Variants in HECW2 observed in about 807,000 individuals in gnomAD.
HECW2 encodes the protein E3 ubiquitin-protein ligase HECW2.
HECW2 carries 61 observed loss-of-function variants against 175.2 expected under a neutral mutation model. The ratio of observed to expected loss-of-function variants is 0.35; its 90% CI spans 0.28 to 0.43. HECW2 has a LOEUF of 0.43. HECW2 is among the 20% of genes least tolerant of loss of function. HECW2 has a pLI of 1.00. For missense variants in HECW2, 1,524 were observed against 2,000.5 expected (o/e 0.76, Z 4.54); for synonymous variants, 671 against 731.0 (o/e 0.92, Z 1.32).
At chr2:196,439,089 C>T (rs1695965923) in intron 1 of HECW2, among the ~76,000 whole-genome samples, 1 of 152,148 alleles carries the variant, frequency 6.6e-6, no homozygotes, top group African/African-American at 2.4e-5. Context: ...TTCACCCTGC[C>T]TCAATTTATT....
intron 1 of HECW2, among the ~76,000 whole-genome samples, chr2:196,459,467 C>G (rs1696649937): frequency 6.6e-6 from 1 of 151,988 alleles, no homozygotes; most frequent in African/African-American, 2.4e-5. Flanking sequence ...TAAGCCCCCC[C>G]AACCTACTGA....
chr2:196,539,754 G>C (rs1223975395), intron 1 of HECW2, among the ~76,000 whole-genome samples: 1 of 152,196 alleles, frequency 6.6e-6, no homozygotes, highest in Non-Finnish European at 1.5e-5. Context: ...TAAGTATTTT[G>C]TTTATTAGTC....
At chr2:196,424,726 G>C (rs1695495031) in intron 2 of HECW2, among the ~76,000 whole-genome samples, 1 of 152,086 alleles carries the variant, frequency 6.6e-6, no homozygotes, top group Non-Finnish European at 1.5e-5. Context: ...AAGAAAAGCT[G>C]GAAGCTAGGA....
intron 21 of HECW2, among the ~76,000 whole-genome samples, chr2:196,231,998 A>G (rs1217759764): frequency 6.6e-6 from 1 of 152,182 alleles, no homozygotes; most frequent in Non-Finnish European, 1.5e-5. Context: ...ATCAAATAAA[A>G]AAAAAATCTA....
chr2:196,505,526 T>C (rs1183352027), intron 1 of HECW2, among the ~76,000 whole-genome samples: 1 of 150,586 alleles, frequency 6.6e-6, no homozygotes, highest in Non-Finnish European at 1.5e-5. Context: ...GGCAACAGAG[T>C]GAGACTTCAT....
At chr2:196,313,679 C>A (rs1691583362) in intron 10 of HECW2, among the ~76,000 whole-genome samples, 2 of 152,096 alleles carry the variant, frequency 1.3e-5, no homozygotes, top group African/African-American at 4.8e-5. Context: ...AAGAAGAAAG[C>A]AAACAAGTAA....
intron 9 of HECW2, among the ~76,000 whole-genome samples, chr2:196,317,796 G>C (rs1691758801): frequency 6.6e-6 from 1 of 152,166 alleles, no homozygotes; most frequent in Non-Finnish European, 1.5e-5. Context: ...ATGCCAGCCA[G>C]ACATATGAAA....
intron 2 of HECW2, among the ~76,000 whole-genome samples, chr2:196,383,453 A>G (rs985985086): frequency 1.3e-5 from 2 of 152,248 alleles, no homozygotes; most frequent in Non-Finnish European, 2.9e-5. Flanking sequence ...AAAAGAGCCT[A>G]GGAGAGAAAA....
chr2:196,263,197 A>G (rs1689375903), intron 17 of HECW2: 1 of 152,194 alleles, frequency 6.6e-6, no homozygotes, highest in African/African-American at 2.4e-5. Context: ...ATACAGCGAC[A>G]AACTCAGGAA....
At chr2:196,422,730 C>A (rs1304517581) in intron 2 of HECW2, among the ~76,000 whole-genome samples, 1 of 152,116 alleles carries the variant, frequency 6.6e-6, no homozygotes, top group African/African-American at 2.4e-5. Context: ...AAAGCTCTTA[C>A]TTTCTAAGAG....
At chr2:196,551,636 T>C (rs1336007574) in intron 1 of HECW2, among the ~76,000 whole-genome samples, 2 of 152,226 alleles carry the variant, frequency 1.3e-5, no homozygotes, top group East Asian at 1.9e-4. Flanking sequence ...TAAAGAAAGA[T>C]TTAACATCTC....
chr2:196,239,197 A>G (rs1477051999), intron 21 of HECW2: 1 of 152,230 alleles, frequency 6.6e-6, no homozygotes, highest in Non-Finnish European at 1.5e-5. Context: ...AAATTTTGTC[A>G]TGTCATAGTG....
At chr2:196,334,560 C>T (rs773736787) in intron 3 of HECW2, 42 bp from the exon 4 acceptor site, 3 of 1,472,044 alleles carry the variant, frequency 2.0e-6, no homozygotes, top group Non-Finnish European at 9.3e-7. Flanking sequence ...AACAGTGAAA[C>T]AAGTCATGGA....
rs779587910 is a variant in HECW2, at chr2:196,274,051, T to C, written c.3208A>G (p.Arg1070Gly). Residue 1070 changes from arginine to glycine, a missense_variant, in exon 16 of 29, where the codon AGG becomes GGG. Physicochemically the swap from Arg to Gly is moderately radical, Grantham distance 125. This residue lies in a region of HECW2 where 291 missense variants were observed against 412.2 expected (regional missense o/e 0.71). Coordinates refer to ENST00000644978, the MANE Select transcript of HECW2 (RefSeq NM_001348768.2). ...RPSSTFNTVS[R>G]PQYQDMVPVA... ...GGAACCATGTCCTGGTACTGTGGCCTACTGACTGTATTGAATGTACTGGAT... is the reference window on the plus strand; with the variant it reads ...GGAACCATGTCCTGGTACTGTGGCCCACTGACTGTATTGAATGTACTGGAT... 6.2e-7 allele frequency: 1 copy of C among 1,613,862 alleles called. No homozygotes were observed. The highest frequency in any genetic ancestry group is 8.5e-7 in the Non-Finnish European group (1 of 1,179,824).
intron 2 of HECW2, among the ~76,000 whole-genome samples, chr2:196,392,272 A>C (rs1171393285): frequency 6.6e-6 from 1 of 152,042 alleles, no homozygotes; most frequent in Non-Finnish European, 1.5e-5. Flanking sequence ...TGATTATACA[A>C]CTCCTTCCAG....
chr2:196,363,316 G>T (rs1693652445), intron 2 of HECW2, among the ~76,000 whole-genome samples: 1 of 152,160 alleles, frequency 6.6e-6, no homozygotes, highest in East Asian at 1.9e-4. Flanking sequence ...AATAAGGTCA[G>T]TAGTGTCATT....
intron 21 of HECW2, among the ~76,000 whole-genome samples, chr2:196,229,310 T>C (rs1402396485): frequency 1.3e-5 from 2 of 151,994 alleles, no homozygotes; most frequent in Non-Finnish European, 2.9e-5. Context: ...TTGCATTTTT[T>C]TAATGAAAAA....
rs1450810864 is a variant in HECW2, at chr2:196,373,268, CTTTG to C, written c.293-29508_293-29505del. 3.9e-5 allele frequency among the ~76,000 whole-genome samples: 6 copies of C among 152,326 alleles called. No homozygotes were observed. In the South Asian group the frequency reaches 8.3e-4, roughly 21 times the overall value. Reference sequence around the variant, plus strand: ...GCCCAAACCATGTTCAAATTCAGTACTTTGTTTGTAATTCAAGTAACATCTTTGG... The same window carrying C: ...GCCCAAACCATGTTCAAATTCAGTACTTTGTAATTCAAGTAACATCTTTGG... On this transcript the variant is annotated intron_variant, in intron 2 of 28. Transcript: ENST00000644978.
chr2:196,279,253 T>C (rs1445242274), intron 14 of HECW2, among the ~76,000 whole-genome samples: 2 of 152,132 alleles, frequency 1.3e-5, no homozygotes, highest in African/African-American at 4.8e-5. Flanking sequence ...TTTCACTGTG[T>C]TAGCCAGGAT....
Sources: gnomAD v4.1 joint callset for allele counts (sites outside exome capture counted in the v4.1 genomes callset) on GRCh38, gnomAD v4.1.1 for gene constraint, gnomAD v4.1.1 regional missense constraint, MANE v1.5 for transcripts, NCBI Gene and HGNC (gene_info 2026-07-23, HGNC 2026-07-21) for gene names.